Variants in ELL observed in about 807,000 individuals in gnomAD.
ELL encodes elongation factor for RNA polymerase II.
A neutral mutation model predicts 64.0 loss-of-function variants in ELL; 18 were observed. The observed-to-expected ratio is 0.28, with a 90% confidence interval of 0.19 to 0.42. ELL has a LOEUF of 0.42. Ranked by LOEUF, ELL falls within the 10% of genes least tolerant of loss-of-function variation. ELL has a pLI of 1.00. For missense variants in ELL, 797 were observed against 870.4 expected, an observed-to-expected ratio of 0.92 and a Z score of 1.06; for synonymous variants, 399 against 376.2, an observed-to-expected ratio of 1.06 and a Z score of -0.70.
intron 1 of ELL, among the ~76,000 whole-genome samples, chr19:18,511,000 G>A (rs912927745): frequency 6.6e-6 from 1 of 152,092 alleles, no homozygotes; most frequent in Non-Finnish European, 1.5e-5. Context: ...GGGTGCGGTG[G>A]CTCATGCCTG....
chr19:18,467,095 A>T (rs1568383443), intron 2 of ELL, among the ~76,000 whole-genome samples: 1 of 152,142 alleles, frequency 6.6e-6, no homozygotes, highest in Non-Finnish European at 1.5e-5. Flanking sequence ...TAGTGTTTGG[A>T]CACACAAGGG....
intron 1 of ELL, among the ~76,000 whole-genome samples, chr19:18,490,160 TAC>T (rs1361475682): frequency 6.6e-6 from 1 of 152,124 alleles, no homozygotes; most frequent in African/African-American, 2.4e-5. Flanking sequence ...GCAAGAACAG[TAC>T]AAAGAACAGC....
intron 1 of ELL, among the ~76,000 whole-genome samples, chr19:18,504,169 G>A (rs527703938): frequency 6.6e-6 from 1 of 152,326 alleles, no homozygotes; most frequent in South Asian, 2.1e-4. Flanking sequence ...TCAGCCACTT[G>A]TGCCAACAGG....
intron 1 of ELL, among the ~76,000 whole-genome samples, chr19:18,483,726 GACAA>G (rs1296640922): frequency 1.3e-5 from 2 of 152,188 alleles, no homozygotes; most frequent in African/African-American, 2.4e-5. Flanking sequence ...AGCAGGATAT[GACAA>G]ACATTTACTA....
intron 6 of ELL, among the ~76,000 whole-genome samples, chr19:18,457,346 A>G (rs912087533): frequency 2.6e-5 from 4 of 152,156 alleles, no homozygotes; most frequent in Non-Finnish European, 5.9e-5. Flanking sequence ...GGGTATGAGG[A>G]TGGGGGCGGG....
intron 1 of ELL, among the ~76,000 whole-genome samples, chr19:18,482,336 T>TTTTTTTTC: frequency 7.8e-6 from 1 of 127,924 alleles, no homozygotes; most frequent in Non-Finnish European, 1.7e-5. Context: ...TTTTTTTTTT[T>TTTTTTTTC]AAACAGGGTC....
Position 18,442,810 on chromosome 19 carries a change from G to T in ELL, c.*1942C>A, listed in dbSNP as rs984668598. ...CAATTGTAACATTTTGGCAAAAGTG[G>T]AAAGTTCTTGTAAACACCAACCCCA... is the stretch of plus-strand genomic sequence containing the variant. On this transcript the variant is annotated 3_prime_UTR_variant, in exon 12 of 12. Transcript: ENST00000262809. 1.4e-5 allele frequency: 3 copies of T among 214,692 alleles called. No homozygotes were observed. The highest frequency in any genetic ancestry group is 2.8e-5 in the Non-Finnish European group (3 of 106,108). The allele number at this position is 214,692 out of a possible 1,614,324, so 13.3% of individuals were successfully genotyped here. A position where few individuals can be genotyped will look rare whatever the true frequency, so the allele number is the denominator to read the frequency against.
intron 4 of ELL, among the ~76,000 whole-genome samples, chr19:18,465,043 C>G (rs758645365): frequency 1.3e-5 from 2 of 152,176 alleles, no homozygotes; most frequent in Non-Finnish European, 2.9e-5. Context: ...AGGCTGCATG[C>G]CCATCTTCAG....
chr19:18,481,765 G>C (rs775337149), intron 1 of ELL, among the ~76,000 whole-genome samples: 6 of 152,182 alleles, frequency 3.9e-5, no homozygotes, highest in African/African-American at 7.2e-5. Flanking sequence ...GCTGGATGAA[G>C]GACACAGGTT....
rs555257102 is a variant in ELL at position 18,492,308 on chromosome 19, T to C, written c.136-19426A>G. ...TGCACGGGACAGCTCCCCACTGCCC[T>C]ATGTGCAAGGACGGCCATTCCTGCA... is the stretch of plus-strand genomic sequence containing the variant. On this transcript the variant is annotated intron_variant, in intron 1 of 11. Transcript: ENST00000262809. Among the ~76,000 whole-genome samples the C allele has an allele frequency of 7.2e-5, 11 of 152,314 alleles. No individual in the cohort carries two copies. In the South Asian group the frequency reaches 2.1e-3, roughly 29 times the overall value.
At chr19:18,452,926 C>A (rs183583053) in intron 6 of ELL, among the ~76,000 whole-genome samples, 1 of 152,328 alleles carries the variant, frequency 6.6e-6, no homozygotes, top group African/African-American at 2.4e-5. Flanking sequence ...AACAGAGGAA[C>A]ACGAAAATAC....
chr19:18,518,467 A>G (rs271622), intron 1 of ELL, among the ~76,000 whole-genome samples: 69,218 of 148,806 alleles, frequency 0.47, 18,661 homozygotes, highest in African/African-American at 0.76. Flanking sequence ...TCCAGCCTGG[A>G]CAATGGAGCA....
In ELL at chr19:18,469,999, G is replaced by A. The variant is rs546930601; in HGVS notation, c.183+2836C>T. Among the ~76,000 whole-genome samples the A allele has an allele frequency of 1.2e-4, 19 of 152,344 alleles. No homozygotes were observed. In the South Asian group the frequency reaches 2.5e-3, roughly 20 times the overall value. ...CCGGCAGCATGGCCCAGGACCAAGA[G>A]CCCCAAAGCTAACAGCCCACTAAAG... On this transcript the variant is annotated intron_variant, in intron 2 of 11. Transcript: ENST00000262809.
chr19:18,445,455 G>T, intron 10 of ELL, 187 bp from the exon 11 acceptor site: 1 of 627,132 alleles, frequency 1.6e-6, no homozygotes, highest in Non-Finnish European at 2.9e-6. Flanking sequence ...ATGAGGGAAA[G>T]GCTGCCGGGT....
Position 18,458,301 on chromosome 19 carries a change from G to C in ELL, c.773C>G (p.Thr258Arg). 6.2e-7 allele frequency: 1 copy of C among 1,613,152 alleles called. No homozygotes were observed. The highest frequency in any genetic ancestry group is 1.1e-5 in the South Asian group (1 of 91,074). Residue 258 changes from threonine (T) to arginine (R), a missense_variant, in exon 6 of 12, where the codon ACG becomes AGG. Transcript: ENST00000262809. ...GTACATGCAGTCCTGCAGTGTACAC[G>C]TGCCGTCCTTAGCACTCATGTTGGC... is the stretch of plus-strand genomic sequence containing the variant. ...QVANMSAKDG[T>R]CTLQDCMYKD...
intron 8 of ELL, chr19:18,448,883 C>G (rs1354757055): frequency 6.6e-6 from 1 of 152,270 alleles, no homozygotes; most frequent in Non-Finnish European, 1.5e-5. Context: ...CTCCTCTCCC[C>G]ATCTCTCCCC....
chr19:18,472,521 C>G (rs1389303383), intron 2 of ELL: 1 of 376,042 alleles, frequency 2.7e-6, no homozygotes, highest in African/African-American at 2.1e-5. Flanking sequence ...TGGGCAGTTC[C>G]TAACCAGTCC....
At chr19:18,463,940 C>T (rs1468744445) in intron 4 of ELL, among the ~76,000 whole-genome samples, 4 of 150,136 alleles carry the variant, frequency 2.7e-5, no homozygotes, top group Admixed American at 6.6e-5. Flanking sequence ...GAGCCGAGAT[C>T]GCGCCACTGC....
Position 18,446,819 on chromosome 19 carries a change from G to A in ELL, c.1466-5C>T, listed in dbSNP as rs1280929903. ...CGCTGCAGGTTCCGTTTAAACCTAC[G>A]AGAGCAAACACATACCTCCTGAGTC... is the stretch of plus-strand genomic sequence containing the variant. On this transcript the variant is annotated splice_region_variant and splice_polypyrimidine_tract_variant and intron_variant, in intron 8 of 11. Transcript: ENST00000262809. 5.6e-6 allele frequency: 9 copies of A among 1,614,030 alleles called. No individual in the cohort carries two copies. Among genetic ancestry groups the A allele is most frequent in the East Asian group, 2.2e-5 (1 of 44,878 alleles).
Sources: gnomAD v4.1 joint callset for allele counts (sites outside exome capture counted in the v4.1 genomes callset) on GRCh38, gnomAD v4.1.1 for gene constraint, MANE v1.5 for transcripts, NCBI Gene and HGNC (gene_info 2026-07-23, HGNC 2026-07-21) for gene names.